IL1RAPL1: variants seen among roughly 807,000 people sequenced by gnomAD.
IL1RAPL1 encodes interleukin 1 receptor accessory protein like 1, also known as interleukin-1 receptor accessory protein-like 1.
Under a neutral mutation model 48.4 loss-of-function variants are expected in IL1RAPL1, and 3 were observed. The observed-to-expected ratio is 0.06, with a 90% confidence interval of 0.03 to 0.16. The LOEUF is 0.16. IL1RAPL1 is among the 10% of genes least tolerant of loss of function. The probability of loss-of-function intolerance (pLI) is 1.00; values close to 1 mark genes in which losing one functional copy is unlikely to be tolerated. For missense variants in IL1RAPL1, 349 were observed against 530.6 expected, an observed-to-expected ratio of 0.66 and a Z score of 3.36; for synonymous variants, 185 against 187.7, an observed-to-expected ratio of 0.99 and a Z score of 0.12.
chrX:29,455,427 G>T (rs752850926), intron 5 of IL1RAPL1, among the ~76,000 whole-genome samples: 6 of 111,773 alleles, frequency 5.4e-5, no homozygotes, highest in Admixed American at 3.8e-4. Context: ...ACTCAGTGAG[G>T]TTATAATATA....
chrX:29,674,651 ATAGAT>A (rs757862126), intron 6 of IL1RAPL1, among the ~76,000 whole-genome samples: 4 of 111,491 alleles, frequency 3.6e-5, no homozygotes, highest in Admixed American at 2.9e-4. Flanking sequence ...AGTTTGTTGT[ATAGAT>A]TATTTTGTGA....
intron 6 of IL1RAPL1, among the ~76,000 whole-genome samples, chrX:29,807,853 TTAAA>T (rs1377365078): frequency 2.7e-5 from 3 of 110,859 alleles, no homozygotes; most frequent in Non-Finnish European, 3.8e-5. Context: ...GATTATGCAA[TTAAA>T]TAAATAATAA....
intron 5 of IL1RAPL1, among the ~76,000 whole-genome samples, chrX:29,458,402 A>T (rs1396901184): frequency 1.8e-5 from 2 of 111,601 alleles, no homozygotes; most frequent in Non-Finnish European, 3.8e-5. Context: ...AACATCCTGA[A>T]ATATGGACTA....
chrX:28,850,833 GT>G (rs368433174), intron 2 of IL1RAPL1, among the ~76,000 whole-genome samples: 964 of 86,904 alleles, frequency 0.011, 8 homozygotes, highest in African/African-American at 0.033. Context: ...TACCCCTATG[GT>G]TTTTTTTTTT....
chrX:29,748,416 T>C (rs1009143967), intron 6 of IL1RAPL1, among the ~76,000 whole-genome samples: 2 of 112,823 alleles, frequency 1.8e-5, no homozygotes, highest in African/African-American at 6.4e-5. Flanking sequence ...GGAGACACAG[T>C]TGATGATGCC....
At chrX:29,066,047 A>G (rs916625550) in intron 2 of IL1RAPL1, among the ~76,000 whole-genome samples, 3 of 111,491 alleles carry the variant, frequency 2.7e-5, no homozygotes, top group African/African-American at 9.8e-5. Context: ...CAGTCAATTT[A>G]TGTTGCTTGG....
intron 5 of IL1RAPL1, among the ~76,000 whole-genome samples, chrX:29,501,964 GA>G (rs989250343): frequency 1.8e-5 from 2 of 110,675 alleles, no homozygotes; most frequent in African/African-American, 6.6e-5. Flanking sequence ...CAATGAGCAT[GA>G]AAAATCTTTC....
chrX:29,698,398 C>T (rs1926969302), intron 6 of IL1RAPL1, among the ~76,000 whole-genome samples: 2 of 110,991 alleles, frequency 1.8e-5, no homozygotes, highest in Non-Finnish European at 3.8e-5. Flanking sequence ...CATGATTTCC[C>T]CAAAGTATCC....
At chrX:29,330,588 C>T (rs1343520868) in intron 3 of IL1RAPL1, among the ~76,000 whole-genome samples, 2 of 111,176 alleles carry the variant, frequency 1.8e-5, no homozygotes, top group East Asian at 5.7e-4. Context: ...TTCTCTTTGT[C>T]TCTCCCCTCC....
chrX:29,361,421 T>A (rs1392234792), intron 3 of IL1RAPL1, among the ~76,000 whole-genome samples: 1 of 111,451 alleles, frequency 9.0e-6, no homozygotes, highest in Non-Finnish European at 1.9e-5. Context: ...ATGGAGTCAT[T>A]AACACAATCA....
chrX:29,468,152 G>A (rs988046817), intron 5 of IL1RAPL1, among the ~76,000 whole-genome samples: 1 of 112,463 alleles, frequency 8.9e-6, no homozygotes, highest in African/African-American at 3.2e-5. Flanking sequence ...GAGCCACTAC[G>A]TCTGGCCAAT....
At chrX:28,873,859 G>A (rs937344778) in intron 2 of IL1RAPL1, among the ~76,000 whole-genome samples, 1 of 109,159 alleles carries the variant, frequency 9.2e-6, no homozygotes, top group Non-Finnish European at 1.9e-5. Flanking sequence ...TTATTAAGAA[G>A]AATATTGGTG....
At chrX:29,037,572 G>A (rs374784159) in intron 2 of IL1RAPL1, among the ~76,000 whole-genome samples, 17 of 111,678 alleles carry the variant, frequency 1.5e-4, no homozygotes, top group East Asian at 2.8e-4. Context: ...AGTAGTTACC[G>A]TGCTTTTCAA....
At chrX:29,241,819 T>A (rs1381301201) in intron 2 of IL1RAPL1, among the ~76,000 whole-genome samples, 1 of 112,024 alleles carries the variant, frequency 8.9e-6, no homozygotes, top group African/African-American at 3.2e-5. Context: ...GACAGCAAAG[T>A]GTAGTTCTCT....
rs1291493591 is a variant in IL1RAPL1 at position 29,803,088 on chromosome X, TATGTATAC to T, written c.779-114365_779-114358del. On this transcript the variant is annotated intron_variant, in intron 6 of 10. Coordinates refer to ENST00000378993, the MANE Select transcript of IL1RAPL1 (RefSeq NM_014271.4). ...GTATGCATGTATACATATATGTGTATATGTATACATGTATACATATATGTATATATGTG... is the reference window on the plus strand; with the variant it reads ...GTATGCATGTATACATATATGTGTATATGTATACATATATGTATATATGTG... Among the ~76,000 whole-genome samples the T allele has an allele frequency of 3.9e-4, 35 of 89,413 alleles. 2 individuals are homozygous for T. The highest frequency in any genetic ancestry group is 1.3e-3 in the African/African-American group (32 of 23,755). 77.6% of individuals were successfully genotyped at this position (89,413 alleles called of 115,157 possible). A position where few individuals can be genotyped will look rare whatever the true frequency, so the allele number is the denominator to read the frequency against.
At chrX:29,398,631 A>C (rs1286756034) in intron 4 of IL1RAPL1, among the ~76,000 whole-genome samples, 1 of 112,271 alleles carries the variant, frequency 8.9e-6, no homozygotes, top group Non-Finnish European at 1.9e-5. Flanking sequence ...CAAAACTAAA[A>C]TGTTTCAAAT....
At chrX:29,177,658 A>G (rs968136530) in intron 2 of IL1RAPL1, among the ~76,000 whole-genome samples, 1 of 111,992 alleles carries the variant, frequency 8.9e-6, no homozygotes, top group Non-Finnish European at 1.9e-5. Context: ...GGTTTGTTAC[A>G]TAGGTATACA....
intron 2 of IL1RAPL1, among the ~76,000 whole-genome samples, chrX:28,984,350 A>G (rs923749440): frequency 8.9e-5 from 10 of 111,981 alleles, no homozygotes; most frequent in Non-Finnish European, 1.7e-4. Flanking sequence ...TAATTCACAC[A>G]AGGCTGGGTC....
chrX:29,455,709 C>T (rs899451113), intron 5 of IL1RAPL1, among the ~76,000 whole-genome samples: 1 of 111,833 alleles, frequency 8.9e-6, no homozygotes, highest in African/African-American at 3.2e-5. Context: ...GTTCACACTT[C>T]AGGCCCTTAC....
Sources: gnomAD v4.1 joint callset for allele counts (sites outside exome capture counted in the v4.1 genomes callset) on GRCh38, gnomAD v4.1.1 for gene constraint, MANE v1.5 for transcripts, NCBI Gene and HGNC (gene_info 2026-07-23, HGNC 2026-07-21) for gene names.